The following LMO7 variants were observed in gnomAD, a reference collection of about 807,000 sequenced individuals.
LMO7 encodes the protein LIM domain only protein 7.
In LMO7, 120 loss-of-function variants were observed where a neutral mutation model predicts 206.5. The observed-to-expected ratio is 0.58, with a 90% CI of 0.50 to 0.68. The LOEUF (loss-of-function observed/expected upper bound fraction) is 0.68. Among genes scored for constraint, LMO7 ranks in the 30% least tolerant of loss-of-function variants. The pLI, the probability that LMO7 is intolerant of heterozygous loss-of-function variation, is 0.00. For synonymous variants in LMO7, 706 were observed against 681.5 expected (o/e 1.04, Z -0.56); for missense variants, 1,959 against 1,957.9 (o/e 1.00, Z -0.01).
In LMO7 at chr13:75,855,009, G is replaced by A. The variant is rs781241626; in HGVS notation, c.4662-251G>A. On this transcript the variant is annotated intron_variant, in intron 28 of 30. Coordinates refer to ENST00000377534, the MANE Select transcript of LMO7 (RefSeq NM_001306080.2). ...AGATAGTATCAGAAACTGCAGGATGGACTAATTACACTGAAATTGCTCATT... is the reference window on the plus strand; with the variant it reads ...AGATAGTATCAGAAACTGCAGGATGAACTAATTACACTGAAATTGCTCATT... The A allele has an allele frequency of 6.4e-5, 26 of 406,402 alleles. 1 individual carries two copies. The South Asian group carries it at 7.6e-4, about 12-fold the overall frequency. 25.2% of individuals were successfully genotyped at this position (406,402 alleles called of 1,614,324 possible).
At chr13:75,801,509 T>G (rs376762553) in intron 7 of LMO7, among the ~76,000 whole-genome samples, 1 of 152,160 alleles carries the variant, frequency 6.6e-6, no homozygotes, top group Non-Finnish European at 1.5e-5. Context: ...GAAAGGAACA[T>G]GTTAGAGACA....
chr13:75,782,038 G>A (rs539980502), intron 4 of LMO7, among the ~76,000 whole-genome samples: 1 of 152,158 alleles, frequency 6.6e-6, no homozygotes, highest in South Asian at 2.1e-4. Flanking sequence ...CCCTTTGTCA[G>A]ATGAGTAGGT....
rs1418232612 is a variant in LMO7, at chr13:75,775,117, A to T, written c.317+14079A>T. 5.3e-5 allele frequency among the ~76,000 whole-genome samples: 8 copies of T among 152,152 alleles called. No homozygotes were observed. The South Asian group carries it at 1.7e-3, about 31-fold the overall frequency. ...AACTAGCTGTTGGAATTAATGTTGT[A>T]TGCTAACAATATCATTAAGAGTTTT... On this transcript the variant is annotated intron_variant, in intron 4 of 30. Coordinates refer to ENST00000377534, the MANE Select transcript of LMO7 (RefSeq NM_001306080.2).
chr13:75,708,994 G>A (rs1407163714), intron 1 of LMO7, among the ~76,000 whole-genome samples: 1 of 151,362 alleles, frequency 6.6e-6, no homozygotes, highest in Non-Finnish European at 1.5e-5. Flanking sequence ...TCCCCTTCCT[G>A]TGTCCATGTG....
chr13:75,772,715 A>G (rs2049921242), intron 4 of LMO7, among the ~76,000 whole-genome samples: 1 of 152,172 alleles, frequency 6.6e-6, no homozygotes, highest in Non-Finnish European at 1.5e-5. Flanking sequence ...GTTAATGTGT[A>G]TCTGTCAGAC....
In LMO7 at chr13:75,636,510, A is replaced by C; in HGVS notation, c.-148A>C. ...CGAACTGCAGAGCGCAACAAAGGGAACTAGAGCCCCGGCGCCTTCGCAGCC... is the reference window on the plus strand; with the variant it reads ...CGAACTGCAGAGCGCAACAAAGGGACCTAGAGCCCCGGCGCCTTCGCAGCC... On this transcript the variant is annotated 5_prime_UTR_variant, in exon 1 of 31. Coordinates refer to ENST00000377534, the MANE Select transcript of LMO7 (RefSeq NM_001306080.2). 2 of 1,500,218 alleles carry C rather than the reference A, an allele frequency of 1.3e-6. No homozygotes were observed. Among genetic ancestry groups the C allele is most frequent in the Non-Finnish European group, 1.8e-6 (2 of 1,132,804 alleles). 92.9% of individuals were successfully genotyped at this position (1,500,218 alleles called of 1,614,324 possible). A position where few individuals can be genotyped will look rare whatever the true frequency, so the allele number is the denominator to read the frequency against.
In LMO7 at chr13:75,842,915, A is replaced by T. The variant is rs201836704; in HGVS notation, c.4096A>T (p.Arg1366Trp). Residue 1366 changes from arginine (R) to tryptophan (W), a missense_variant and splice_region_variant, in exon 25 of 31, where the codon AGG becomes TGG. Physicochemically the swap from Arg to Trp is moderately radical, Grantham distance 101. Transcript: ENST00000377534. ...ATCTTCAGGTTTTCTTCCTGGTGAC[A>T]GGTATGTAGAGCATGTTATTGTAAT... The part of the protein sequence containing the change: ...EASSGFLPGD[R>W]NKSRSTTELD... 7.0e-6 allele frequency: 11 copies of T among 1,573,026 alleles called. No individual in the cohort carries two copies. Among genetic ancestry groups the T allele is most frequent in the Admixed American group, 1.7e-5 (1 of 59,946 alleles).
At chr13:75,733,518 G>A (rs909975676) in intron 3 of LMO7, among the ~76,000 whole-genome samples, 1 of 152,164 alleles carries the variant, frequency 6.6e-6, no homozygotes, top group East Asian at 1.9e-4. Flanking sequence ...GATTTTCCAG[G>A]TACCATCTGT....
At chr13:75,758,026 T>C (rs2047829426) in intron 3 of LMO7, among the ~76,000 whole-genome samples, 1 of 152,070 alleles carries the variant, frequency 6.6e-6, no homozygotes, top group Non-Finnish European at 1.5e-5. Context: ...CCCTTGATAA[T>C]GGGTTACAGA....
intron 11 of LMO7, among the ~76,000 whole-genome samples, chr13:75,813,586 C>A (rs1179218084): frequency 6.6e-6 from 1 of 152,152 alleles, no homozygotes; most frequent in East Asian, 1.9e-4. Flanking sequence ...AGGGAGTGAA[C>A]TGTGCTCATG....
chr13:75,831,154 G>C (rs2058631695), intron 15 of LMO7, among the ~76,000 whole-genome samples: 1 of 152,024 alleles, frequency 6.6e-6, no homozygotes, highest in Non-Finnish European at 1.5e-5. Flanking sequence ...CATTCATCAG[G>C]TGATTATTAA....
chr13:75,742,324 G>T (rs1437304891), intron 3 of LMO7, among the ~76,000 whole-genome samples: 1 of 152,082 alleles, frequency 6.6e-6, no homozygotes, highest in African/African-American at 2.4e-5. Flanking sequence ...GCAAATTATA[G>T]ATTTAATGCT....
intron 18 of LMO7, among the ~76,000 whole-genome samples, chr13:75,835,842 T>G (rs911325429): frequency 1.3e-5 from 2 of 152,172 alleles, no homozygotes; most frequent in Non-Finnish European, 2.9e-5. Context: ...AAAAATATAA[T>G]GTAGAAATTT....
At chr13:75,737,542 A>G (rs1219627877) in intron 3 of LMO7, among the ~76,000 whole-genome samples, 1 of 149,428 alleles carries the variant, frequency 6.7e-6, no homozygotes, top group Non-Finnish European at 1.5e-5. Flanking sequence ...TCACGAGGTC[A>G]GGAGATCGAG....
At chr13:75,691,583 C>T (rs914822331) in intron 1 of LMO7, among the ~76,000 whole-genome samples, 6 of 152,202 alleles carry the variant, frequency 3.9e-5, no homozygotes, top group Admixed American at 1.3e-4. Context: ...ATGAACACTC[C>T]AGTGTTGATC....
intron 27 of LMO7, among the ~76,000 whole-genome samples, chr13:75,851,067 T>C (rs186757273): frequency 6.6e-6 from 1 of 152,304 alleles, no homozygotes; most frequent in East Asian, 1.9e-4. Flanking sequence ...AGCAAGTGCT[T>C]ATCAAGCTGC....
intron 1 of LMO7, among the ~76,000 whole-genome samples, chr13:75,664,178 T>G (rs952154457): frequency 7.1e-4 from 108 of 152,130 alleles, no homozygotes; most frequent in Non-Finnish European, 4.3e-4. Flanking sequence ...CTAATCTCTA[T>G]CTCAATGAGT....
chr13:75,826,623 G>C (rs1290397193), intron 15 of LMO7, among the ~76,000 whole-genome samples: 1 of 152,180 alleles, frequency 6.6e-6, no homozygotes, highest in Non-Finnish European at 1.5e-5. Flanking sequence ...TGCCAACCAG[G>C]CTTCTCAGGG....
intron 28 of LMO7, among the ~76,000 whole-genome samples, chr13:75,853,664 C>T (rs928439577): frequency 1.3e-5 from 2 of 152,158 alleles, no homozygotes; most frequent in African/African-American, 4.8e-5. Context: ...TGGTCAGTGT[C>T]TTGGATGTAA....
Sources: allele counts gnomAD v4.1 joint callset (sites outside exome capture counted in the v4.1 genomes callset), GRCh38; gene constraint gnomAD v4.1.1; transcripts MANE v1.5; gene names NCBI Gene and HGNC (gene_info 2026-07-23, HGNC 2026-07-21).